Variants in GSTCD observed in about 807,000 individuals in gnomAD.
The protein encoded by GSTCD is glutathione S-transferase C-terminal domain containing.
Under a neutral mutation model 68.3 loss-of-function variants are expected in GSTCD, and 44 were observed. That is an observed-to-expected ratio of 0.64 (90% CI 0.51 to 0.83). The LOEUF (loss-of-function observed/expected upper bound fraction) is 0.83. Among genes scored for constraint, GSTCD ranks in the 40% least tolerant of loss-of-function variants. The probability of loss-of-function intolerance (pLI) is 0.00; values close to 1 mark genes in which losing one functional copy is unlikely to be tolerated. For synonymous variants in GSTCD, 273 were observed against 255.2 expected (o/e 1.07, Z -0.67); for missense variants, 739 against 735.9 (o/e 1.00, Z -0.05).
intron 5 of GSTCD, among the ~76,000 whole-genome samples, chr4:105,768,037 A>AT (rs1195759192): frequency 6.6e-6 from 1 of 151,670 alleles, no homozygotes; most frequent in African/African-American, 2.4e-5. Context: ...GTAAAAAAAA[A>AT]ATTTTTTTTT....
chr4:105,799,581 G>A (rs1296240001), intron 5 of GSTCD, among the ~76,000 whole-genome samples: 1 of 152,126 alleles, frequency 6.6e-6, no homozygotes, highest in Admixed American at 6.5e-5. Flanking sequence ...TTGGAGCAGT[G>A]AGAACACACA....
intron 5 of GSTCD, among the ~76,000 whole-genome samples, chr4:105,802,708 C>A (rs1736156686): frequency 6.6e-6 from 1 of 152,058 alleles, no homozygotes; most frequent in African/African-American, 2.4e-5. Context: ...TCTCTGTCCT[C>A]TTCTTTGCAT....
chr4:105,717,483 A>T, intron 1 of GSTCD, 110 bp from the exon 2 acceptor site: 2 of 691,042 alleles, frequency 2.9e-6, no homozygotes, highest in Non-Finnish European at 4.7e-6. Context: ...ATTATTATCT[A>T]CTGCAAATTT....
chr4:105,725,848 C>G (rs1480155837), intron 3 of GSTCD, among the ~76,000 whole-genome samples: 2 of 151,930 alleles, frequency 1.3e-5, no homozygotes, highest in African/African-American at 4.8e-5. Context: ...TACTATATAC[C>G]CACAAGAATG....
intron 5 of GSTCD, among the ~76,000 whole-genome samples, chr4:105,747,262 G>A (rs532498035): frequency 3.5e-4 from 53 of 152,312 alleles, no homozygotes; most frequent in Non-Finnish European, 5.6e-4. Context: ...TTCTAAGGCC[G>A]GTAGGCAGGA....
At chr4:105,789,054 A>G (rs1043154915) in intron 5 of GSTCD, among the ~76,000 whole-genome samples, 7 of 152,254 alleles carry the variant, frequency 4.6e-5, no homozygotes, top group Admixed American at 3.3e-4. Flanking sequence ...TAAAACTACC[A>G]TAGATTTTTG....
At chr4:105,844,355 T>A (rs1254822691) in intron 11 of GSTCD, among the ~76,000 whole-genome samples, 3 of 152,226 alleles carry the variant, frequency 2.0e-5, no homozygotes, top group Non-Finnish European at 4.4e-5. Context: ...TCTCTTTTTA[T>A]ATCATTTCTA....
chr4:105,782,230 G>A (rs2149250080), intron 5 of GSTCD, among the ~76,000 whole-genome samples: 1 of 152,290 alleles, frequency 6.6e-6, no homozygotes, highest in Middle Eastern at 3.4e-3. Context: ...AGGTGTGGTG[G>A]CTCATGCCTG....
chr4:105,783,522 AT>A lies in GSTCD; in HGVS notation c.1241-39423del, dbSNP rs918271346. Among the ~76,000 whole-genome samples, 20 of 151,172 alleles carry A rather than the reference AT, an allele frequency of 1.3e-4. No individual in the cohort carries two copies. The South Asian group carries it at 1.7e-3, about 13-fold the overall frequency. On this transcript the variant is annotated intron_variant, in intron 5 of 11. Coordinates refer to ENST00000515279, the MANE Select transcript of GSTCD (RefSeq NM_001370181.1). ...ACTGTTTACATTTTTATTTTGCCCA[AT>A]TTTTTTTTATCATTCATGCTCCAGT...
chr4:105,768,322 G>A (rs974665340), intron 5 of GSTCD, among the ~76,000 whole-genome samples: 1 of 152,066 alleles, frequency 6.6e-6, no homozygotes, highest in Non-Finnish European at 1.5e-5. Context: ...AAGTCATCGC[G>A]CCCGGCCAAT....
intron 5 of GSTCD, 58 bp downstream of exon 5, chr4:105,729,557 G>C (rs1733159285): frequency 9.1e-7 from 1 of 1,101,954 alleles, no homozygotes; most frequent in Admixed American, 1.8e-5. Context: ...CTTCAGATAT[G>C]TCTTCTAATT....
chr4:105,736,402 C>T (rs1733465214), intron 5 of GSTCD, among the ~76,000 whole-genome samples: 1 of 151,968 alleles, frequency 6.6e-6, no homozygotes, highest in African/African-American at 2.4e-5. Flanking sequence ...CTTAAGACCA[C>T]TTAGCATTGG....
intron 5 of GSTCD, among the ~76,000 whole-genome samples, chr4:105,741,008 G>A (rs920222378): frequency 3.3e-5 from 5 of 151,750 alleles, no homozygotes; most frequent in Admixed American, 6.6e-5. Context: ...ACCATTTTAG[G>A]TGTTTTTTAG....
intron 1 of GSTCD, among the ~76,000 whole-genome samples, chr4:105,709,625 A>AT (rs1451327840): frequency 1.6e-4 from 24 of 152,206 alleles, no homozygotes; most frequent in African/African-American, 5.8e-4. Context: ...TTCCCATCCC[A>AT]ACTTTCTACC....
chr4:105,750,765 A>G (rs765754214), intron 5 of GSTCD, among the ~76,000 whole-genome samples: 6 of 152,226 alleles, frequency 3.9e-5, no homozygotes, highest in Non-Finnish European at 7.3e-5. Flanking sequence ...TCAATAGGTG[A>G]GTAATTCTGG....
chr4:105,840,119 A>G (rs1724280122), intron 10 of GSTCD: 6 of 426,258 alleles, frequency 1.4e-5, no homozygotes, highest in Non-Finnish European at 2.8e-5. Context: ...ATTTTGACCA[A>G]AGAGAACATA....
In GSTCD at chr4:105,726,753, T is replaced by C. The variant is rs779688839; in HGVS notation, c.1069T>C (p.Cys357Arg). The C allele has an allele frequency of 8.1e-6, 13 of 1,613,836 alleles. No individual in the cohort carries two copies. The highest frequency in any genetic ancestry group is 1.7e-5 in the Admixed American group (1 of 59,970). The change falls in exon 4 of 12, where the codon TGT becomes CGT. Residue 357 changes from cysteine to arginine, a missense_variant. By Grantham distance (180) the Cys-to-Arg change is radical. Coordinates refer to ENST00000515279, the MANE Select transcript of GSTCD (RefSeq NM_001370181.1). ...TTSTEQHPNL[C>R]EVPGVEEQSD... ...CTCAACTGAACAGCATCCAAACTTA[T>C]GTGAAGTCCCAGGTGTAGAAGAGCA...
chr4:105,713,196 A>G (rs374192939), intron 1 of GSTCD, among the ~76,000 whole-genome samples: 5 of 151,478 alleles, frequency 3.3e-5, no homozygotes, highest in East Asian at 3.8e-4. Flanking sequence ...ATTGTGTGGC[A>G]TGCTCAAAAG....
At chr4:105,719,924 A>G (rs1315026804) in intron 3 of GSTCD, among the ~76,000 whole-genome samples, 4 of 151,974 alleles carry the variant, frequency 2.6e-5, no homozygotes, top group East Asian at 1.9e-4. Context: ...TTGGACGTCT[A>G]CTATTAGAGG....
Sources: allele counts gnomAD v4.1 joint callset (sites outside exome capture counted in the v4.1 genomes callset), GRCh38; gene constraint gnomAD v4.1.1; transcripts MANE v1.5; gene names NCBI Gene and HGNC (gene_info 2026-07-23, HGNC 2026-07-21).